The following ARFGEF1 variants were observed in gnomAD, a reference collection of about 807,000 sequenced individuals.
ARFGEF1 encodes brefeldin A-inhibited guanine nucleotide-exchange protein 1.
In ARFGEF1, 42 loss-of-function variants were observed where a neutral mutation model predicts 231.0. The observed-to-expected ratio is 0.18, with a 90% CI of 0.14 to 0.24. The LOEUF (loss-of-function observed/expected upper bound fraction) is 0.24. Among genes scored for constraint, ARFGEF1 ranks in the 10% least tolerant of loss-of-function variants. The pLI, the probability that ARFGEF1 is intolerant of heterozygous loss-of-function variation, is 1.00. For synonymous variants in ARFGEF1, 710 were observed against 732.3 expected (o/e 0.97, Z 0.49); for missense variants, 1,345 against 2,192.0 (o/e 0.61, Z 7.72).
chr8:67,260,885 A>G (rs1804589368), intron 14 of ARFGEF1, among the ~76,000 whole-genome samples: 2 of 152,236 alleles, frequency 1.3e-5, no homozygotes, highest in African/African-American at 2.4e-5. Flanking sequence ...TAGGAAAGCA[A>G]AACAGCCTAA....
chr8:67,269,227 G>GA (rs940725912), intron 10 of ARFGEF1, among the ~76,000 whole-genome samples: 29 of 151,870 alleles, frequency 1.9e-4, no homozygotes, highest in Admixed American at 1.5e-3. Flanking sequence ...TAAGACCCAT[G>GA]AAAAAATCAC....
chr8:67,257,833 A>G lies in ARFGEF1; in HGVS notation c.2442-17T>C. 1 of 1,580,944 alleles carries G rather than the reference A, an allele frequency of 6.3e-7. No individual in the cohort carries two copies. The highest frequency in any genetic ancestry group is 8.6e-7 in the Non-Finnish European group (1 of 1,160,488). On this transcript the variant is annotated splice_polypyrimidine_tract_variant and intron_variant, in intron 16 of 38. Transcript: ENST00000262215. ...AGAGTTTGTCTGGAAAAATAAATGTATCATGTTATAAACTTCTACTGTTTT... is the reference window on the plus strand; with the variant it reads ...AGAGTTTGTCTGGAAAAATAAATGTGTCATGTTATAAACTTCTACTGTTTT...
chr8:67,194,901 T>C (rs1837503624), downstream of ARFGEF1, among the ~76,000 whole-genome samples: 1 of 152,182 alleles, frequency 6.6e-6, no homozygotes, highest in Admixed American at 6.5e-5. Flanking sequence ...TGCCAACTAG[T>C]GTTTTCCCAA....
chr8:67,297,491 G>C (rs1374173987), intron 4 of ARFGEF1, among the ~76,000 whole-genome samples: 1 of 152,148 alleles, frequency 6.6e-6, no homozygotes, highest in Non-Finnish European at 1.5e-5. Flanking sequence ...GAGGTGGGAG[G>C]ATCATTTGAG....
chr8:67,216,818 T>C (rs1043297642), intron 32 of ARFGEF1, among the ~76,000 whole-genome samples, 156 bp from the exon 33 acceptor site: 2 of 152,124 alleles, frequency 1.3e-5, no homozygotes, highest in African/African-American at 4.8e-5. Flanking sequence ...AAAAAACATC[T>C]AGTAAAAAGT....
intron 5 of ARFGEF1, chr8:67,179,918 CT>C: frequency 6.5e-7 from 1 of 1,548,910 alleles, no homozygotes; most frequent in Non-Finnish European, 8.9e-7. Flanking sequence ...TCTGATAGTG[CT>C]TTTATTGGTG....
At chr8:67,235,928 A>G (rs1338349835) in intron 22 of ARFGEF1, among the ~76,000 whole-genome samples, 1 of 152,126 alleles carries the variant, frequency 6.6e-6, no homozygotes, top group Non-Finnish European at 1.5e-5. Flanking sequence ...TATCAGTCAG[A>G]AAGTATGATA....
intron 1 of ARFGEF1, among the ~76,000 whole-genome samples, chr8:67,316,940 A>G (rs980152922): frequency 6.6e-6 from 1 of 152,162 alleles, no homozygotes; most frequent in African/African-American, 2.4e-5. Context: ...GCTTTGAACC[A>G]CATGATCTCA....
At chr8:67,217,208 G>A (rs562479842) in intron 32 of ARFGEF1, among the ~76,000 whole-genome samples, 1 of 151,330 alleles carries the variant, frequency 6.6e-6, no homozygotes, top group East Asian at 1.9e-4. Context: ...GGAGGCTAAG[G>A]CAGGATAATC....
intron 5 of ARFGEF1, among the ~76,000 whole-genome samples, chr8:67,187,886 T>C (rs1023334276): frequency 1.3e-5 from 2 of 152,180 alleles, no homozygotes; most frequent in South Asian, 2.1e-4. Context: ...TAACTCAAAG[T>C]CGATCTTACA....
intron 1 of ARFGEF1, among the ~76,000 whole-genome samples, chr8:67,323,989 G>A (rs1807713224): frequency 6.6e-6 from 1 of 152,060 alleles, no homozygotes; most frequent in Non-Finnish European, 1.5e-5. Flanking sequence ...TTTTACTAGA[G>A]ACGGGGTTTC....
At position 67,227,256 on chromosome 8, in the gene ARFGEF1, G is replaced by T; in HGVS notation, c.3797C>A (p.Ser1266Tyr). ...VVRCIAQMVN[S>Y]QAANIRSGWK... ...TCCAGATCGAATGTTAGCAGCTTGA[G>T]AATTAACCATCTGTGCTATACACCG... The change falls in exon 27 of 39, where the codon TCT becomes TAT. Residue 1266 changes from serine to tyrosine, a missense_variant. Ser to Tyr is a moderately radical substitution (Grantham distance 144). Coordinates refer to ENST00000262215, the MANE Select transcript of ARFGEF1 (RefSeq NM_006421.5). 1 of 1,613,078 alleles carries T rather than the reference G, an allele frequency of 6.2e-7. No homozygotes were observed. The highest frequency in any genetic ancestry group is 8.5e-7 in the Non-Finnish European group (1 of 1,179,238).
At chr8:67,260,836 TGAAG>T (rs1445796900) in intron 14 of ARFGEF1, among the ~76,000 whole-genome samples, 1 of 152,164 alleles carries the variant, frequency 6.6e-6, no homozygotes, top group African/African-American at 2.4e-5. Flanking sequence ...GAAAAGTTCT[TGAAG>T]GAAGTTAAAA....
At chr8:67,188,102 CAG>C (rs1315717588) in intron 5 of ARFGEF1, among the ~76,000 whole-genome samples, 1 of 152,162 alleles carries the variant, frequency 6.6e-6, no homozygotes, top group African/African-American at 2.4e-5. Context: ...GAAGACAGGA[CAG>C]AGACTGTAAG....
intron 1 of ARFGEF1, among the ~76,000 whole-genome samples, chr8:67,341,804 G>A (rs774945020): frequency 2.6e-5 from 4 of 152,062 alleles, no homozygotes; most frequent in Admixed American, 6.6e-5. Context: ...TCATACACCG[G>A]GAACAGTCTT....
At chr8:67,240,060 G>A (rs1587113744) in intron 20 of ARFGEF1, 102 bp downstream of exon 20, 2 of 1,462,588 alleles carry the variant, frequency 1.4e-6, no homozygotes, top group East Asian at 4.8e-5. Context: ...CTTGAAATTA[G>A]TTTTTAATGT....
intron 3 of ARFGEF1, 51 bp from the exon 4 acceptor site, chr8:67,299,406 A>G (rs780643088): frequency 1.3e-6 from 2 of 1,488,298 alleles, no homozygotes; most frequent in Admixed American, 2.1e-5. Context: ...CAAATATTAT[A>G]CATACTAATG....
chr8:67,175,807 C>T (rs1002447615), intron 5 of ARFGEF1, among the ~76,000 whole-genome samples: 4 of 152,196 alleles, frequency 2.6e-5, no homozygotes, highest in African/African-American at 7.2e-5. Flanking sequence ...CCATGTCAGG[C>T]ATTTGTCTAC....
intron 1 of ARFGEF1, among the ~76,000 whole-genome samples, chr8:67,309,641 T>A (rs980600148): frequency 6.6e-6 from 1 of 152,236 alleles, no homozygotes; most frequent in Non-Finnish European, 1.5e-5. Flanking sequence ...TTTTAAACAA[T>A]TTAACTGGTT....
Sources: gnomAD v4.1 joint callset for allele counts (sites outside exome capture counted in the v4.1 genomes callset) on GRCh38, gnomAD v4.1.1 for gene constraint, MANE v1.5 for transcripts, NCBI Gene and HGNC (gene_info 2026-07-23, HGNC 2026-07-21) for gene names.